Variants in RERE observed in about 807,000 individuals in gnomAD.
The protein encoded by RERE is arginine-glutamic acid dipeptide repeats.
A neutral mutation model predicts 146.1 loss-of-function variants in RERE; 40 were observed. That is an observed-to-expected ratio of 0.27 (90% confidence interval 0.21 to 0.36). The LOEUF (loss-of-function observed/expected upper bound fraction) is 0.36, where lower values mean the gene tolerates loss of function less well. RERE is among the 10% of genes least tolerant of loss of function. The pLI is 1.00. For synonymous variants in RERE, 1,003 were observed against 866.0 expected (o/e 1.16, Z -2.78); for missense variants, 1,933 against 2,138.7 (o/e 0.90, Z 1.90).
intron 4 of RERE, among the ~76,000 whole-genome samples, chr1:8,600,792 T>C (rs1298792857): frequency 1.4e-5 from 2 of 138,992 alleles, no homozygotes; most frequent in Non-Finnish European, 3.0e-5. Context: ...TCTTGCTGTG[T>C]CACCCAGGCT....
chr1:8,650,769 C>A (rs187053242), intron 2 of RERE, among the ~76,000 whole-genome samples: 2 of 151,902 alleles, frequency 1.3e-5, no homozygotes, highest in African/African-American at 4.8e-5. Context: ...TGGTGGCACG[C>A]GCCTGTAATC....
intron 8 of RERE, among the ~76,000 whole-genome samples, chr1:8,500,302 C>T (rs1441531246): frequency 1.3e-5 from 2 of 152,152 alleles, no homozygotes; most frequent in African/African-American, 2.4e-5. Context: ...ACCAACCTCC[C>T]CCCCATTCTT....
At chr1:8,397,358 G>A (rs1183701362) in intron 12 of RERE, among the ~76,000 whole-genome samples, 2 of 152,132 alleles carry the variant, frequency 1.3e-5, no homozygotes, top group African/African-American at 4.8e-5. Flanking sequence ...CTTTCACTAC[G>A]ACTCTGAGGG....
At chr1:8,439,126 G>T (rs1004306792) in intron 11 of RERE, among the ~76,000 whole-genome samples, 5 of 152,206 alleles carry the variant, frequency 3.3e-5, no homozygotes, top group African/African-American at 4.8e-5. Context: ...TCTGAGAACC[G>T]CTGACAGATA....
chr1:8,400,226 G>A (rs556068267), intron 12 of RERE, among the ~76,000 whole-genome samples: 10,545 of 148,108 alleles, frequency 0.071, 1,286 homozygotes, highest in African/African-American at 0.26. Flanking sequence ...TGTCATATGT[G>A]TGTGTGTGTG....
chr1:8,801,196 G>A (rs1278276940), intron 1 of RERE, among the ~76,000 whole-genome samples: 1 of 152,000 alleles, frequency 6.6e-6, no homozygotes, highest in African/African-American at 2.4e-5. Context: ...GGAGGTTGAG[G>A]CTGCAGTCGG....
At chr1:8,770,080 G>A (rs755891855) in intron 1 of RERE, among the ~76,000 whole-genome samples, 17 of 152,132 alleles carry the variant, frequency 1.1e-4, no homozygotes, top group African/African-American at 3.6e-4. Flanking sequence ...GTGAGCCACC[G>A]CGCCCGGCCA....
chr1:8,690,135 G>A (rs1054369876), intron 1 of RERE, among the ~76,000 whole-genome samples: 29 of 152,208 alleles, frequency 1.9e-4, no homozygotes, highest in African/African-American at 5.5e-4. Context: ...AAAATTTATC[G>A]CTTGCAGTTT....
intron 10 of RERE, among the ~76,000 whole-genome samples, chr1:8,490,034 A>G (rs1644955949): frequency 6.8e-6 from 1 of 146,148 alleles, no homozygotes; most frequent in Admixed American, 6.9e-5. Context: ...AGCCTGGGCG[A>G]CAGAGCGAGA....
At chr1:8,593,532 C>T (rs1467675645) in intron 4 of RERE, among the ~76,000 whole-genome samples, 2 of 152,170 alleles carry the variant, frequency 1.3e-5, no homozygotes, top group Admixed American at 1.3e-4. Flanking sequence ...GTGAGGCCTC[C>T]CCAGCCATGT....
At chr1:8,412,305 T>C (rs972375910) in intron 12 of RERE, among the ~76,000 whole-genome samples, 3 of 152,160 alleles carry the variant, frequency 2.0e-5, no homozygotes, top group Non-Finnish European at 4.4e-5. Flanking sequence ...GGTGGTTCAC[T>C]CATACAGCAA....
At position 8,726,147 on chromosome 1, in the gene RERE, C is replaced by CTTTTCTTTT. The variant is rs1639960710; in HGVS notation, c.-144-69707_-144-69706insAAAAGAAAA. Among the ~76,000 whole-genome samples, 85 of 69,410 alleles carry CTTTTCTTTT rather than the reference C, an allele frequency of 1.2e-3. 4 individuals are homozygous for CTTTTCTTTT. The highest frequency in any genetic ancestry group is 5.2e-3 in the African/African-American group (80 of 15,350). The allele number at this position is 69,410 out of a possible 152,430, so 45.5% of individuals were successfully genotyped here. A position where few individuals can be genotyped will look rare whatever the true frequency, so the allele number is the denominator to read the frequency against. On this transcript the variant is annotated intron_variant, in intron 1 of 22. Coordinates refer to ENST00000400908, the MANE Select transcript of RERE (RefSeq NM_001042681.2). Reference sequence around the variant, plus strand: ...AATTCCAGTTTTCCTTTTTTCTTTTCTTTTTTTTTTTTTTTTTTTTTTTTT... The same window carrying CTTTTCTTTT: ...AATTCCAGTTTTCCTTTTTTCTTTTCTTTTCTTTTTTTTTTTTTTTTTTTTTTTTTTTTT...
At chr1:8,767,295 T>C (rs1569750607) in intron 1 of RERE, among the ~76,000 whole-genome samples, 1 of 152,120 alleles carries the variant, frequency 6.6e-6, no homozygotes, top group Non-Finnish European at 1.5e-5. Flanking sequence ...CAAGGTTTGA[T>C]ACATAATTGA....
chr1:8,467,737 C>T (rs1053839461), intron 10 of RERE, among the ~76,000 whole-genome samples: 3 of 152,234 alleles, frequency 2.0e-5, no homozygotes, highest in Non-Finnish European at 2.9e-5. Flanking sequence ...CTCTGCCTCC[C>T]GGGTTCACGC....
intron 7 of RERE, among the ~76,000 whole-genome samples, chr1:8,514,169 G>C (rs1260484739): frequency 2.0e-5 from 3 of 152,186 alleles, no homozygotes; most frequent in South Asian, 4.1e-4. Context: ...TCTTAGCCTT[G>C]TCAAATAGTA....
At chr1:8,479,200 C>A (rs1260520586) in intron 10 of RERE, among the ~76,000 whole-genome samples, 3 of 152,014 alleles carry the variant, frequency 2.0e-5, no homozygotes, top group African/African-American at 7.2e-5. Context: ...GCCTGGACAA[C>A]ACAGTGAGCC....
rs1448437560 is a variant in RERE, at chr1:8,662,990, A to ATATGTAAAATAAATACATATTAT, written c.-144-6550_-144-6549insATAATATGTATTTATTTTACATA. Among the ~76,000 whole-genome samples, 6 of 152,212 alleles carry ATATGTAAAATAAATACATATTAT rather than the reference A, an allele frequency of 3.9e-5. No homozygotes were observed. The East Asian group carries it at 1.2e-3, about 29-fold the overall frequency. ...GCTTTACAAATGTAAAATATCAATA[A>ATATGTAAAATAAATACATATTAT]TATGTATTTATTTCAGTCATGATTT... On this transcript the variant is annotated intron_variant, in intron 1 of 22. Transcript: ENST00000400908.
At chr1:8,751,663 C>T (rs530110252) in intron 1 of RERE, among the ~76,000 whole-genome samples, 1 of 152,136 alleles carries the variant, frequency 6.6e-6, no homozygotes, top group East Asian at 1.9e-4. Flanking sequence ...AACTCGGAGG[C>T]TAAACAGAGA....
At chr1:8,545,324 T>C (rs1645845051) in intron 6 of RERE, among the ~76,000 whole-genome samples, 1 of 152,090 alleles carries the variant, frequency 6.6e-6, no homozygotes, top group Admixed American at 6.5e-5. Context: ...TCCTTCCGAG[T>C]GGGGCGGGCC....
Sources: allele counts gnomAD v4.1 joint callset (sites outside exome capture counted in the v4.1 genomes callset), GRCh38; gene constraint gnomAD v4.1.1; transcripts MANE v1.5; gene names NCBI Gene and HGNC (gene_info 2026-07-23, HGNC 2026-07-21).